The following SLC36A1 variants were observed in gnomAD, a reference collection of about 807,000 sequenced individuals.
The protein encoded by SLC36A1 is proton-coupled amino acid transporter 1.
A neutral mutation model predicts 47.5 loss-of-function variants in SLC36A1; 30 were observed. That is an observed-to-expected ratio of 0.63 (90% CI 0.47 to 0.86). SLC36A1 has a LOEUF of 0.86. Ranked by LOEUF, SLC36A1 falls within the 40% of genes least tolerant of loss-of-function variation. The pLI is 0.00. For missense variants in SLC36A1, 517 were observed against 606.0 expected, an observed-to-expected ratio of 0.85 and a Z score of 1.54; for synonymous variants, 255 against 249.7, an observed-to-expected ratio of 1.02 and a Z score of -0.20.
At chr5:151,517,585 C>A in the SLC36A1 span, 57 of 1,612,480 alleles carry the variant, frequency 3.5e-5, no homozygotes, top group East Asian at 1.0e-3. Context: ...GCCTGGGACA[C>A]CCACATGAAA....
At chr5:151,522,783 G>C in the SLC36A1 span, among the ~76,000 whole-genome samples, 4 of 152,160 alleles carry the variant, frequency 2.6e-5, no homozygotes, top group Non-Finnish European at 5.9e-5. Flanking sequence ...TAGGAATGAA[G>C]GCGGTGTGTT....
chr5:151,501,002 TC>T, the SLC36A1 span, among the ~76,000 whole-genome samples: 3 of 152,072 alleles, frequency 2.0e-5, no homozygotes, highest in African/African-American at 7.2e-5. Flanking sequence ...AAGAAGGCGT[TC>T]CCCATCCAGG....
chr5:151,384,991 T>TGGGAGAGA, the SLC36A1 span, among the ~76,000 whole-genome samples: 11 of 139,046 alleles, frequency 7.9e-5, no homozygotes, highest in African/African-American at 1.9e-4. Flanking sequence ...TGTGTGGGTG[T>TGGGAGAGA]GTGAGAGAGA....
chr5:151,419,279 T>C, the SLC36A1 span, among the ~76,000 whole-genome samples: 419 of 152,328 alleles, frequency 2.8e-3, 4 homozygotes, highest in African/African-American at 9.6e-3. Context: ...TTCAACCCTA[T>C]CATGATTTGC....
chr5:151,553,893 G>A, the SLC36A1 span, among the ~76,000 whole-genome samples: 1 of 152,234 alleles, frequency 6.6e-6, no homozygotes, highest in African/African-American at 2.4e-5. Flanking sequence ...CCTGCCAGAT[G>A]AAATGCTTGG....
chr5:151,540,700 C>T, the SLC36A1 span: 1 of 1,614,200 alleles, frequency 6.2e-7, no homozygotes, highest in East Asian at 2.2e-5. Context: ...CAGGGTCTTC[C>T]TTGAGGAAAT....
chr5:151,364,438 C>T, the SLC36A1 span, among the ~76,000 whole-genome samples: 45 of 152,320 alleles, frequency 3.0e-4, no homozygotes, highest in South Asian at 2.1e-4. Flanking sequence ...AGATTTTCAT[C>T]ATCAATGCAT....
At chr5:151,510,257 TG>T in the SLC36A1 span, 1 of 1,464,204 alleles carries the variant, frequency 6.8e-7, no homozygotes, top group South Asian at 1.2e-5. Flanking sequence ...GGTGTGTTTG[TG>T]CAGCCGTTCA....
the SLC36A1 span, chr5:151,507,273 G>T: frequency 6.2e-7 from 1 of 1,614,158 alleles, no homozygotes; most frequent in East Asian, 2.2e-5. Context: ...CTTAGAATTG[G>T]GTCCAAATGT....
chr5:151,551,734 G>T, the SLC36A1 span: 1 of 867,398 alleles, frequency 1.2e-6, no homozygotes, highest in Non-Finnish European at 1.7e-6. Flanking sequence ...CTGAGTGACA[G>T]GTTGTAGTTT....
At chr5:151,407,852 AT>A in the SLC36A1 span, among the ~76,000 whole-genome samples, 1 of 152,160 alleles carries the variant, frequency 6.6e-6, no homozygotes, top group African/African-American at 2.4e-5. Context: ...CTGATGCTTC[AT>A]TTTACACCTG....
chr5:151,442,348 A>G (rs959332863), intron 1 of SLC36A1, among the ~76,000 whole-genome samples: 1 of 152,144 alleles, frequency 6.6e-6, no homozygotes, highest in Non-Finnish European at 1.5e-5. Flanking sequence ...GGAATTTTAA[A>G]TACAGTGTGA....
rs1554114840 is a variant in SLC36A1 at position 151,474,178 on chromosome 5, A to AGAG, written c.822+407_822+408insGAG. Among the ~76,000 whole-genome samples, 46 of 119,018 alleles carry AGAG rather than the reference A, an allele frequency of 3.9e-4. 1 individual carries two copies. The highest frequency in any genetic ancestry group is 1.1e-3 in the South Asian group (4 of 3,592). The allele number at this position is 119,018 out of a possible 152,430, so 78.1% of individuals were successfully genotyped here. A position where few individuals can be genotyped will look rare whatever the true frequency, so the allele number is the denominator to read the frequency against. ...CTGTCTCAAAAAAAAAAAAAAAAAA[A>AGAG]AGAAATTATCTTCTGTAACTCACTG... is the stretch of plus-strand genomic sequence containing the variant. On this transcript the variant is annotated intron_variant, in intron 8 of 10. Transcript: ENST00000243389.
At chr5:151,361,940 A>G in the SLC36A1 span, among the ~76,000 whole-genome samples, 1 of 152,108 alleles carries the variant, frequency 6.6e-6, no homozygotes, top group Non-Finnish European at 1.5e-5. Flanking sequence ...AGTCTGTTGC[A>G]AGATGAACTG....
At chr5:151,544,200 A>G in the SLC36A1 span, 4 of 1,614,194 alleles carry the variant, frequency 2.5e-6, no homozygotes, top group Non-Finnish European at 3.4e-6. Flanking sequence ...CCACAATCTG[A>G]TAAGAGACGT....
the SLC36A1 span, chr5:151,553,204 G>T: frequency 6.2e-7 from 1 of 1,614,252 alleles, no homozygotes; most frequent in Non-Finnish European, 8.5e-7. Flanking sequence ...AAGAGTCCGG[G>T]TCTGCCCTCT....
At chr5:151,428,528 C>G in the SLC36A1 span, among the ~76,000 whole-genome samples, 2 of 152,260 alleles carry the variant, frequency 1.3e-5, no homozygotes, top group African/African-American at 4.8e-5. Context: ...CTCTTGGCAC[C>G]GTTGCCAACT....
At chr5:151,497,998 T>C in the SLC36A1 span, among the ~76,000 whole-genome samples, 3 of 150,842 alleles carry the variant, frequency 2.0e-5, no homozygotes, top group Non-Finnish European at 4.4e-5. Context: ...CAGGCTGGAG[T>C]ACAATGGTGC....
chr5:151,521,016 A>G, the SLC36A1 span, among the ~76,000 whole-genome samples: 10 of 152,248 alleles, frequency 6.6e-5, no homozygotes, highest in Admixed American at 5.2e-4. Flanking sequence ...GCCACAGCCT[A>G]TGCTCTTAGC....
Sources: allele counts gnomAD v4.1 joint callset (sites outside exome capture counted in the v4.1 genomes callset), GRCh38; gene constraint gnomAD v4.1.1; transcripts MANE v1.5; gene names NCBI Gene and HGNC (gene_info 2026-07-23, HGNC 2026-07-21).